Variants in PDXK observed in about 807,000 individuals in gnomAD.
The protein encoded by PDXK is pyridoxal kinase, also known as epididymis secretory sperm binding protein Li 1a.
In PDXK, 15 loss-of-function variants were observed where a neutral mutation model predicts 43.2. The ratio of observed to expected loss-of-function variants is 0.35; its 90% CI spans 0.23 to 0.53. The LOEUF is 0.53. Among genes scored for constraint, PDXK ranks in the 20% least tolerant of loss-of-function variants. PDXK has a pLI of 0.92. For synonymous variants in PDXK, 172 were observed against 165.4 expected (o/e 1.04, Z -0.31); for missense variants, 343 against 417.0 (o/e 0.82, Z 1.54).
intron 1 of PDXK, among the ~76,000 whole-genome samples, chr21:43,733,253 AC>A (rs1226314950): frequency 0.17 from 9,363 of 55,704 alleles, 335 homozygotes; most frequent in Middle Eastern, 0.23. Flanking sequence ...CCCCATCCCC[AC>A]CCCCCCCCCC....
rs147642064 is a variant in PDXK, at chr21:43,740,862, A to G, written c.143-805A>G. Among the ~76,000 whole-genome samples, 620 of 151,484 alleles carry G rather than the reference A, an allele frequency of 4.1e-3. 8 individuals are homozygous for G. Among genetic ancestry groups the G allele is most frequent in the African/African-American group, 0.014 (586 of 41,428 alleles). On this transcript the variant is annotated intron_variant, in intron 2 of 10. Transcript: ENST00000291565. ...TTGGGGAGGAGTTGGGGGTGGGGAC[A>G]TAACAAGCCCTACCTGCCAGGGTAT... is the stretch of plus-strand genomic sequence containing the variant.
chr21:43,740,777 A>G (rs773401273), intron 2 of PDXK, among the ~76,000 whole-genome samples: 1 of 151,720 alleles, frequency 6.6e-6, no homozygotes, highest in Admixed American at 6.6e-5. Context: ...TCTCATTCAC[A>G]TCTATCTCTT....
chr21:43,737,935 T>C lies in PDXK; in HGVS notation c.143-3732T>C, dbSNP rs927248997. 3.0e-6 allele frequency: 3 copies of C among 985,346 alleles called. No homozygotes were observed. In the African/African-American group the frequency reaches 5.2e-5, roughly 17 times the overall value. 61.0% of individuals were successfully genotyped at this position (985,346 alleles called of 1,614,324 possible). ...TCTGGGCCCATCCCACATCCCACAG[T>C]GGGCAGGAGGCCACCAAGAGGTGCA... On this transcript the variant is annotated intron_variant, in intron 2 of 10. Transcript: ENST00000291565. This position sits in a 1 kb window ranked among gnomAD's most constrained non-coding sequence, Gnocchi z 4.8.
intron 5 of PDXK, chr21:43,747,137 AC>A (rs1373492305): frequency 6.6e-6 from 1 of 152,418 alleles, no homozygotes; most frequent in Admixed American, 6.5e-5. Flanking sequence ...ATCTCAAAAA[AC>A]AAAAGAAAAA....
intron 7 of PDXK, among the ~76,000 whole-genome samples, chr21:43,750,961 CAT>C (rs1491477704): frequency 4.0e-4 from 14 of 35,362 alleles, no homozygotes; most frequent in African/African-American, 7.3e-4. Flanking sequence ...CATGTGTGTG[CAT>C]GTGTGTGTGT....
chr21:43,728,916 C>G, intron 1 of PDXK: 2 of 985,524 alleles, frequency 2.0e-6, no homozygotes, highest in Non-Finnish European at 2.4e-6. Flanking sequence ...TCCCACTGGC[C>G]TGGACTCTGC....
At chr21:43,748,715 A>C (rs1297862439) in intron 5 of PDXK, among the ~76,000 whole-genome samples, 4 of 146,898 alleles carry the variant, frequency 2.7e-5, no homozygotes, top group Non-Finnish European at 3.0e-5. Flanking sequence ...TCTCTCCTTC[A>C]CCTCCTTCTC....
At chr21:43,755,893 G>C (rs961895879) in intron 10 of PDXK, 58 bp from the exon 11 acceptor site, 2 of 1,463,056 alleles carry the variant, frequency 1.4e-6, no homozygotes, top group Non-Finnish European at 1.9e-6. Flanking sequence ...CTGGGAGTGG[G>C]GGCAACAGCG....
At chr21:43,753,272 A>G (rs1268254395) in intron 8 of PDXK, among the ~76,000 whole-genome samples, 2 of 152,170 alleles carry the variant, frequency 1.3e-5, no homozygotes, top group Non-Finnish European at 2.9e-5. Flanking sequence ...ACACGCACAC[A>G]CATGCACACA....
rs760841184 is a variant in PDXK, at chr21:43,734,027, C to G, written c.88-42C>G. ...CTGCTGGGGTTCGTGGGACCCCAGACCTGGCTCTCTTACGCCTACCTGTTC... is the reference window on the plus strand; with the variant it reads ...CTGCTGGGGTTCGTGGGACCCCAGAGCTGGCTCTCTTACGCCTACCTGTTC... On this transcript the variant is annotated intron_variant, in intron 1 of 10. Coordinates refer to ENST00000291565, the MANE Select transcript of PDXK (RefSeq NM_003681.5). This position sits in a 1 kb window ranked among gnomAD's most constrained non-coding sequence, Gnocchi z 5.0. 1 of 1,603,412 alleles carries G rather than the reference C, an allele frequency of 6.2e-7. No homozygotes were observed. Among genetic ancestry groups the G allele is most frequent in the Non-Finnish European group, 8.5e-7 (1 of 1,170,336 alleles).
At chr21:43,752,462 C>T in intron 7 of PDXK, 56 bp from the exon 8 acceptor site, 1 of 1,211,460 alleles carries the variant, frequency 8.3e-7, no homozygotes, top group South Asian at 1.2e-5. Flanking sequence ...TGGGGTGTGA[C>T]CAGCCGTGGC....
chr21:43,749,241 A>T (rs2083692780), intron 6 of PDXK, among the ~76,000 whole-genome samples, 161 bp downstream of exon 6: 1 of 152,164 alleles, frequency 6.6e-6, no homozygotes, highest in Non-Finnish European at 1.5e-5. Flanking sequence ...AGTAGCTGGG[A>T]TGACAGGCGT....
chr21:43,749,809 G>A (rs975291709), intron 6 of PDXK, among the ~76,000 whole-genome samples: 2 of 152,198 alleles, frequency 1.3e-5, no homozygotes, highest in Middle Eastern at 3.2e-3. Context: ...GTCACCTGCC[G>A]CCCTGTGAGG....
intron 1 of PDXK, among the ~76,000 whole-genome samples, chr21:43,724,773 G>T (rs1401892570): frequency 6.6e-6 from 1 of 151,848 alleles, no homozygotes; most frequent in African/African-American, 2.4e-5. Context: ...CCCAGGAGGT[G>T]GAGGATGCAG....
intron 1 of PDXK, 140 bp downstream of exon 1, chr21:43,719,521 C>T: frequency 7.5e-7 from 1 of 1,330,552 alleles, no homozygotes; most frequent in Non-Finnish European, 9.8e-7. Context: ...GAGGCAGGCG[C>T]GGGATGAGCC....
intron 1 of PDXK, among the ~76,000 whole-genome samples, chr21:43,720,364 C>T (rs1486371821): frequency 2.0e-5 from 3 of 152,066 alleles, no homozygotes; most frequent in Non-Finnish European, 4.4e-5. Flanking sequence ...CACCTGGGCA[C>T]GGCGGGGCCT....
intron 2 of PDXK, chr21:43,736,926 G>A (rs1053382636): frequency 3.3e-5 from 23 of 700,120 alleles, no homozygotes; most frequent in East Asian, 1.9e-4. Context: ...GAGACTCCAC[G>A]CCCAGTCTTT....
At chr21:43,745,115 C>T (rs2083614647) in intron 4 of PDXK, among the ~76,000 whole-genome samples, 1 of 152,124 alleles carries the variant, frequency 6.6e-6, no homozygotes, top group Non-Finnish European at 1.5e-5. Flanking sequence ...AAGGCCAGTT[C>T]ATCGCGGTAG....
rs145772340 is a variant in PDXK at position 43,740,196 on chromosome 21, C to T, written c.143-1471C>T. Among the ~76,000 whole-genome samples the T allele has an allele frequency of 2.0e-3, 308 of 152,202 alleles. 2 individuals are homozygous for T. Among genetic ancestry groups the T allele is most frequent in the African/African-American group, 7.1e-3 (297 of 41,574 alleles). On this transcript the variant is annotated intron_variant, in intron 2 of 10. Transcript: ENST00000291565. Reference sequence around the variant, plus strand: ...TGGCAGTCTCAGGACCTTTGCGCCACACGTCCTCCCGTGCGACGGCTGCTG... The same window carrying T: ...TGGCAGTCTCAGGACCTTTGCGCCATACGTCCTCCCGTGCGACGGCTGCTG...
Sources: gnomAD v4.1 joint callset for allele counts (sites outside exome capture counted in the v4.1 genomes callset) on GRCh38, gnomAD v4.1.1 for gene constraint, Gnocchi (gnomAD v3.1) non-coding constraint, MANE v1.5 for transcripts, NCBI Gene and HGNC (gene_info 2026-07-23, HGNC 2026-07-21) for gene names.